TXNDC8: variants seen among roughly 807,000 people sequenced by gnomAD.
The protein encoded by TXNDC8 is thioredoxin domain-containing protein 8.
In TXNDC8, 15 loss-of-function variants were observed where a neutral mutation model predicts 12.9. That is an observed-to-expected ratio of 1.16 (90% CI 0.78 to 1.79). The LOEUF (loss-of-function observed/expected upper bound fraction) is 1.79, where lower values mean the gene tolerates loss of function less well. Ranked by LOEUF, TXNDC8 falls within the 40% of genes most tolerant of loss-of-function variation. The pLI is 0.00. For synonymous variants in TXNDC8, 40 were observed against 35.4 expected (o/e 1.13, Z -0.46); for missense variants, 128 against 113.2 (o/e 1.13, Z -0.59).
intron 2 of TXNDC8, among the ~76,000 whole-genome samples, chr9:110,326,878 G>A (rs528882326): frequency 1.3e-5 from 2 of 149,380 alleles, no homozygotes; most frequent in African/African-American, 2.5e-5. Flanking sequence ...AACAGAACAG[G>A]ACATCTCTCT....
intron 2 of TXNDC8, among the ~76,000 whole-genome samples, chr9:110,326,940 G>GCA (rs377527245): frequency 0.076 from 10,816 of 142,926 alleles, 705 homozygotes; most frequent in African/African-American, 0.18. Flanking sequence ...TGCTACTCAT[G>GCA]CACACACACA....
intron 4 of TXNDC8, among the ~76,000 whole-genome samples, chr9:110,304,132 C>A (rs73526752): frequency 0.014 from 2,205 of 152,220 alleles, 56 homozygotes; most frequent in African/African-American, 0.05. Context: ...TAAAATAATG[C>A]ATCTTTTTTG....
chr9:110,326,170 CAT>C lies in TXNDC8; in HGVS notation c.195+3_195+4del. ...TCAACCCTGCTGGTTACCCTGGAAA[CAT>C]ACCTTCTGGCTTTTCTTGAACATCT... is the stretch of plus-strand genomic sequence containing the variant. On this transcript the variant is annotated splice_donor_region_variant and intron_variant, in intron 3 of 4. Transcript: ENST00000423740. 4 of 1,614,078 alleles carry C rather than the reference CAT, an allele frequency of 2.5e-6. No individual in the cohort carries two copies. Among genetic ancestry groups the C allele is most frequent in the Non-Finnish European group, 3.4e-6 (4 of 1,179,962 alleles).
chr9:110,308,676 A>G (rs1376247510), intron 3 of TXNDC8, among the ~76,000 whole-genome samples: 1 of 152,190 alleles, frequency 6.6e-6, no homozygotes, highest in Non-Finnish European at 1.5e-5. Context: ...TCTTTAAAAA[A>G]AAAAAGGTTC....
At chr9:110,314,113 T>A (rs1426453403) in intron 3 of TXNDC8, among the ~76,000 whole-genome samples, 1 of 152,228 alleles carries the variant, frequency 6.6e-6, no homozygotes, top group Non-Finnish European at 1.5e-5. Context: ...CTCTGCTCAC[T>A]GAGATAAATC....
chr9:110,316,543 G>A (rs983916623), intron 3 of TXNDC8, among the ~76,000 whole-genome samples: 1 of 152,126 alleles, frequency 6.6e-6, no homozygotes, highest in Admixed American at 6.5e-5. Flanking sequence ...TTTTGGAGGA[G>A]CTAAATAAAA....
At position 110,322,290 on chromosome 9, in the gene TXNDC8, C is replaced by G. The variant is rs370574612; in HGVS notation, c.195+3885G>C. Reference sequence around the variant, plus strand: ...GAGATATGAGTATCCACATTATAATCAGAGGCTTGTTGGGTGACCCTGGAA... The same window carrying G: ...GAGATATGAGTATCCACATTATAATGAGAGGCTTGTTGGGTGACCCTGGAA... On this transcript the variant is annotated intron_variant, in intron 3 of 4. Coordinates refer to ENST00000423740, the MANE Select transcript of TXNDC8 (RefSeq NM_001286946.2). Among the ~76,000 whole-genome samples the G allele has an allele frequency of 4.6e-4, 70 of 151,960 alleles. 1 individual carries two copies. The South Asian group carries it at 7.7e-3, about 17-fold the overall frequency.
intron 3 of TXNDC8, among the ~76,000 whole-genome samples, chr9:110,316,200 G>A (rs1389394043): frequency 6.6e-6 from 1 of 151,980 alleles, no homozygotes; most frequent in Non-Finnish European, 1.5e-5. Context: ...ACAGGTGTGA[G>A]CCACTGTGCC....
intron 3 of TXNDC8, among the ~76,000 whole-genome samples, chr9:110,320,062 G>A (rs1839032367): frequency 6.6e-6 from 1 of 152,084 alleles, no homozygotes; most frequent in Admixed American, 6.6e-5. Context: ...AAGTGCTTTG[G>A]CAAACTATTT....
intron 3 of TXNDC8, chr9:110,323,923 G>A: frequency 6.4e-7 from 1 of 1,551,066 alleles, no homozygotes; most frequent in Non-Finnish European, 8.7e-7. Context: ...GTTTGACTTG[G>A]ATTGGCTTGA....
chr9:110,333,723 A>G (rs1258931822), intron 2 of TXNDC8, among the ~76,000 whole-genome samples: 1 of 152,244 alleles, frequency 6.6e-6, no homozygotes, highest in African/African-American at 2.4e-5. Context: ...TTATTTAACA[A>G]TTATACCTCA....
intron 1 of TXNDC8, among the ~76,000 whole-genome samples, chr9:110,335,555 A>G (rs1021590229): frequency 4.6e-5 from 7 of 152,232 alleles, no homozygotes; most frequent in Non-Finnish European, 1.0e-4. Flanking sequence ...CAACGTGTGT[A>G]CTATTATTAT....
At chr9:110,323,800 G>T (rs2118820749) in intron 3 of TXNDC8, 1 of 1,501,458 alleles carries the variant, frequency 6.7e-7, no homozygotes, top group East Asian at 2.5e-5. Flanking sequence ...GGTTTTACAT[G>T]GTGACAAGCT....
At chr9:110,329,720 G>A (rs938310091) in intron 2 of TXNDC8, among the ~76,000 whole-genome samples, 6 of 152,152 alleles carry the variant, frequency 3.9e-5, no homozygotes. Flanking sequence ...GGCATTTTGG[G>A]AGGTGCTGGT....
intron 3 of TXNDC8, among the ~76,000 whole-genome samples, chr9:110,310,223 G>A (rs1269951664): frequency 6.6e-6 from 1 of 151,624 alleles, no homozygotes; most frequent in Non-Finnish European, 1.5e-5. Flanking sequence ...GTGTGTGTGT[G>A]TGCATGTGTA....
chr9:110,309,364 C>T (rs1243316749), intron 3 of TXNDC8, among the ~76,000 whole-genome samples: 1 of 152,074 alleles, frequency 6.6e-6, no homozygotes, highest in Non-Finnish European at 1.5e-5. Context: ...GAGATAGAGT[C>T]TTGCTGTGTC....
downstream of TXNDC8, among the ~76,000 whole-genome samples, chr9:110,302,383 G>A (rs991289584): frequency 1.3e-5 from 2 of 152,250 alleles, no homozygotes; most frequent in South Asian, 2.1e-4. Flanking sequence ...CAATCCACCT[G>A]CCTTGACCTC....
chr9:110,316,399 C>T (rs182415984), intron 3 of TXNDC8, among the ~76,000 whole-genome samples: 87 of 152,178 alleles, frequency 5.7e-4, no homozygotes, highest in African/African-American at 1.9e-3. Flanking sequence ...TATCTGGGCC[C>T]CTTTCTCTGA....
rs1838384392 is a variant in TXNDC8, at chr9:110,305,143, GTC to G, written c.196-613_196-612del. ...AGCCTGGGTGACAGAGAGAGATTCT[GTC>G]TCAAAAAAAAAAAAAAAAAAAAAAA... On this transcript the variant is annotated intron_variant, in intron 3 of 4. Transcript: ENST00000423740. Among the ~76,000 whole-genome samples, 7 of 84,552 alleles carry G rather than the reference GTC, an allele frequency of 8.3e-5. No homozygotes were observed. In the South Asian group the frequency reaches 3.8e-3, roughly 46 times the overall value. 55.5% of individuals were successfully genotyped at this position (84,552 alleles called of 152,430 possible).
Sources: gnomAD v4.1 joint callset for allele counts (sites outside exome capture counted in the v4.1 genomes callset) on GRCh38, gnomAD v4.1.1 for gene constraint, MANE v1.5 for transcripts, NCBI Gene and HGNC (gene_info 2026-07-23, HGNC 2026-07-21) for gene names.